Variants in UNC79 observed in about 807,000 individuals in gnomAD.
UNC79 encodes unc-79 subunit of NALCN channel complex.
UNC79 carries 37 observed loss-of-function variants against 283.1 expected under a neutral mutation model. The observed-to-expected ratio is 0.13, with a 90% CI of 0.10 to 0.17. The LOEUF is 0.17. Among genes scored for constraint, UNC79 ranks in the 10% least tolerant of loss-of-function variants. The pLI, the probability that UNC79 is intolerant of heterozygous loss-of-function variation, is 1.00. For synonymous variants in UNC79, 1,107 were observed against 1,200.2 expected (o/e 0.92, Z 1.61); for missense variants, 2,272 against 3,211.1 (o/e 0.71, Z 7.07).
At chr14:93,525,018 G>A (rs892617568) in intron 8 of UNC79, among the ~76,000 whole-genome samples, 2 of 152,236 alleles carry the variant, frequency 1.3e-5, no homozygotes, top group African/African-American at 4.8e-5. Flanking sequence ...TGTGTTTCAT[G>A]AACCAAAAAC....
intron 1 of UNC79, among the ~76,000 whole-genome samples, chr14:93,398,145 A>C (rs2055035657): frequency 6.6e-6 from 1 of 152,118 alleles, no homozygotes; most frequent in Non-Finnish European, 1.5e-5. Context: ...CACTAGAAAA[A>C]AAGTCTGGCT....
intron 47 of UNC79, among the ~76,000 whole-genome samples, chr14:93,704,310 A>G (rs1347612957): frequency 6.6e-6 from 1 of 152,260 alleles, no homozygotes; most frequent in African/African-American, 2.4e-5. Context: ...CTATTTCAAG[A>G]AAGTGAGGAT....
At chr14:93,647,225 G>A (rs1186573182) in intron 35 of UNC79, among the ~76,000 whole-genome samples, 1 of 152,130 alleles carries the variant, frequency 6.6e-6, no homozygotes, top group African/African-American at 2.4e-5. Context: ...AGTTATTGAG[G>A]TTATAGTAAC....
intron 25 of UNC79, among the ~76,000 whole-genome samples, chr14:93,602,309 C>T (rs1403501015): frequency 6.6e-6 from 1 of 152,098 alleles, no homozygotes; most frequent in Non-Finnish European, 1.5e-5. Context: ...CAGTTTCATT[C>T]TTCTAGATGT....
intron 1 of UNC79, among the ~76,000 whole-genome samples, chr14:93,349,176 G>A (rs535477471): frequency 6.6e-6 from 1 of 152,192 alleles, no homozygotes; most frequent in African/African-American, 2.4e-5. Flanking sequence ...AACACTCACC[G>A]TGAAGGTCTG....
chr14:93,368,718 C>T (rs1031424241), intron 1 of UNC79, among the ~76,000 whole-genome samples: 4 of 152,118 alleles, frequency 2.6e-5, no homozygotes, highest in East Asian at 1.9e-4. Flanking sequence ...GTGATCCACC[C>T]GCCTCAGCCT....
At chr14:93,638,880 G>A (rs2068753289) in intron 32 of UNC79, among the ~76,000 whole-genome samples, 2 of 152,122 alleles carry the variant, frequency 1.3e-5, no homozygotes, top group African/African-American at 4.8e-5. Flanking sequence ...TCCTACTTCA[G>A]TAGCAATATT....
Position 93,609,334 on chromosome 14 carries a change from G to A in UNC79, c.3755-3463G>A, listed in dbSNP as rs552548939. ...AGCTTGTAAGAACGTTGACCATTTCGGGTGAAATAATAGGAGATAAGTCTG... is the reference window on the plus strand; with the variant it reads ...AGCTTGTAAGAACGTTGACCATTTCAGGTGAAATAATAGGAGATAAGTCTG... On this transcript the variant is annotated intron_variant, in intron 26 of 48. Coordinates refer to ENST00000555664, the Ensembl canonical transcript of UNC79. 2.8e-4 allele frequency among the ~76,000 whole-genome samples: 42 copies of A among 152,212 alleles called. No homozygotes were observed. In the South Asian group the frequency reaches 5.0e-3, roughly 18 times the overall value.
chr14:93,554,741 C>T (rs527433485), intron 14 of UNC79, among the ~76,000 whole-genome samples: 2 of 152,348 alleles, frequency 1.3e-5, no homozygotes, highest in African/African-American at 4.8e-5. Context: ...CCATCTCTAA[C>T]TGGCTTAAAC....
chr14:93,663,935 T>C (rs1290085760), intron 40 of UNC79, among the ~76,000 whole-genome samples: 2 of 152,188 alleles, frequency 1.3e-5, no homozygotes, highest in African/African-American at 4.8e-5. Flanking sequence ...CTGTAGATAT[T>C]GATTACAGGG....
rs1287516890 is a variant in UNC79, at chr14:93,430,775, A to T, written c.-255A>T. On this transcript the variant is annotated 5_prime_UTR_variant, in exon 1 of 49. Coordinates refer to ENST00000555664, the Ensembl canonical transcript of UNC79. This position sits in a 1 kb window ranked among gnomAD's most constrained non-coding sequence, Gnocchi z 4.6. ...TCAACGCGGGCAGCTCCAGGAGGGG[A>T]CGGACAGGAAGCCTTTGGCCGCCTA... 2.4e-6 allele frequency: 1 copy of T among 413,490 alleles called. No individual in the cohort carries two copies. Among genetic ancestry groups the T allele is most frequent in the East Asian group, 4.7e-5 (1 of 21,498 alleles). The allele number at this position is 413,490 out of a possible 1,614,324, so 25.6% of individuals were successfully genotyped here.
At chr14:93,589,318 G>A (rs1029570993) in intron 22 of UNC79, among the ~76,000 whole-genome samples, 5 of 152,144 alleles carry the variant, frequency 3.3e-5, no homozygotes, top group African/African-American at 1.2e-4. Flanking sequence ...CCAGAGTGAT[G>A]AAACGGTTGT....
At chr14:93,529,214 A>G (rs1338262417) in intron 9 of UNC79, 72 bp from the exon 10 acceptor site, 7 of 1,531,732 alleles carry the variant, frequency 4.6e-6, no homozygotes, top group African/African-American at 1.4e-5. Flanking sequence ...ACTAGTGTGC[A>G]GCTTATAAAC....
intron 1 of UNC79, among the ~76,000 whole-genome samples, chr14:93,418,033 T>C (rs1037137035): frequency 6.6e-6 from 1 of 151,950 alleles, no homozygotes; most frequent in African/African-American, 2.4e-5. Flanking sequence ...AAAGTCATTC[T>C]CTGTCCAGCT....
At chr14:93,498,070 G>A (rs899952641) in intron 7 of UNC79, among the ~76,000 whole-genome samples, 1 of 151,902 alleles carries the variant, frequency 6.6e-6, no homozygotes, top group Non-Finnish European at 1.5e-5. Context: ...TGAGATGGGC[G>A]GTTCGCCTGA....
At chr14:93,593,954 CT>C in intron 23 of UNC79, 117 bp downstream of exon 23, 1 of 1,168,754 alleles carries the variant, frequency 8.6e-7, no homozygotes, top group South Asian at 1.7e-5. Flanking sequence ...CATTCTCCTG[CT>C]GGCTGGTGTC....
chr14:93,557,342 A>C lies in UNC79; in HGVS notation c.1756-14552A>C, dbSNP rs368818137. Among the ~76,000 whole-genome samples the C allele has an allele frequency of 2.1e-4, 32 of 151,864 alleles. No individual in the cohort carries two copies. The East Asian group carries it at 3.1e-3, about 15-fold the overall frequency. On this transcript the variant is annotated intron_variant, in intron 14 of 48. Coordinates refer to ENST00000555664, the Ensembl canonical transcript of UNC79. ...TCTTAGGCTGTTTCCTCAACTGTAA[A>C]TATCTCATGACTGTGGGTAGTGACC...
At chr14:93,511,335 C>T (rs2059814769) in intron 7 of UNC79, among the ~76,000 whole-genome samples, 3 of 152,180 alleles carry the variant, frequency 2.0e-5, no homozygotes, top group Admixed American at 2.0e-4. Context: ...CACCATTAAG[C>T]ATGCTATTAG....
Position 93,621,326 on chromosome 14 carries a change from C to T in UNC79, c.4388-295C>T, listed in dbSNP as rs998823841. On this transcript the variant is annotated intron_variant, in intron 29 of 48. Transcript: ENST00000555664. This position sits in a 1 kb window ranked among gnomAD's most constrained non-coding sequence, Gnocchi z 4.8. ...TGAATACAGTTTCCTAGATCTGCCT[C>T]AGCCAAAAAATGATCCCCTCTCCTA... is the stretch of plus-strand genomic sequence containing the variant. 6.6e-6 allele frequency among the ~76,000 whole-genome samples: 1 copy of T among 152,154 alleles called. No individual in the cohort carries two copies. Among genetic ancestry groups the T allele is most frequent in the Non-Finnish European group, 1.5e-5 (1 of 68,020 alleles).
Sources: gnomAD v4.1 joint callset for allele counts (sites outside exome capture counted in the v4.1 genomes callset) on GRCh38, gnomAD v4.1.1 for gene constraint, Gnocchi (gnomAD v3.1) non-coding constraint, MANE v1.5 for transcripts, NCBI Gene and HGNC (gene_info 2026-07-23, HGNC 2026-07-21) for gene names.